The following CRYBG3 variants were observed in gnomAD, a reference collection of about 807,000 sequenced individuals.
The protein encoded by CRYBG3 is crystallin beta-gamma domain containing 3.
CRYBG3 carries 127 observed loss-of-function variants against 244.2 expected under a neutral mutation model. That is an observed-to-expected ratio of 0.52 (90% CI 0.45 to 0.60). The LOEUF is 0.60. CRYBG3 is among the 20% of genes least tolerant of loss of function. The pLI, the probability that CRYBG3 is intolerant of heterozygous loss-of-function variation, is 0.00. For missense variants in CRYBG3, 3,325 were observed against 3,442.5 expected (o/e 0.97, Z 0.85); for synonymous variants, 1,132 against 1,195.8 (o/e 0.95, Z 1.10).
At chr3:97,862,099 T>TA (rs2039158700) in intron 2 of CRYBG3, among the ~76,000 whole-genome samples, 4 of 151,712 alleles carry the variant, frequency 2.6e-5, no homozygotes, top group South Asian at 2.1e-4. Context: ...AGTTTTTTTT[T>TA]TAAAAAATTA....
rs1265598690 is a variant in CRYBG3 at position 97,876,269 on chromosome 3, A to T, written c.5075A>T (p.Asn1692Ile). The T allele has an allele frequency of 8.1e-6, 10 of 1,231,928 alleles. No homozygotes were observed. Among genetic ancestry groups the T allele is most frequent in the African/African-American group, 1.6e-5 (1 of 64,398 alleles). The allele number at this position is 1,231,928 out of a possible 1,614,324, so 76.3% of individuals were successfully genotyped here. A position where few individuals can be genotyped will look rare whatever the true frequency, so the allele number is the denominator to read the frequency against. Residue 1692 changes from asparagine (N) to isoleucine (I), a missense_variant, in exon 4 of 22, where the codon AAT (asparagine) becomes ATT (isoleucine). Asn to Ile is a moderately radical substitution (Grantham distance 149). Around this residue, in one of 4 missense-constraint regions of CRYBG3, gnomAD observed 635 missense variants for 771.7 expected, o/e 0.82. Transcript: ENST00000389622. Reference protein sequence around the residue: ...TGTIALSEVENIHQKGGEGIS... With the variant: ...TGTIALSEVEIIHQKGGEGIS... ...ACGATAGCCTTGTCAGAAGTGGAAAATATCCACCAAAAAGGTGGTGAAGGG... is the reference window on the plus strand; with the variant it reads ...ACGATAGCCTTGTCAGAAGTGGAAATTATCCACCAAAAAGGTGGTGAAGGG...
At chr3:97,905,584 T>C (rs2039762866) in intron 15 of CRYBG3, among the ~76,000 whole-genome samples, 1 of 152,138 alleles carries the variant, frequency 6.6e-6, no homozygotes, top group Admixed American at 6.5e-5. Context: ...CACTTTTTGA[T>C]GGGGTTGTTT....
chr3:97,896,175 T>C lies in CRYBG3; in HGVS notation c.7701+90T>C, dbSNP rs981223975. On this transcript the variant is annotated intron_variant, in intron 12 of 21. Coordinates refer to ENST00000389622, the MANE Select transcript of CRYBG3 (RefSeq NM_153605.4). Reference sequence around the variant, plus strand: ...TGACTCCTGATAGAACATGAGATTATAAAATATTTCTAACACCCAAGAGTA... The same window carrying C: ...TGACTCCTGATAGAACATGAGATTACAAAATATTTCTAACACCCAAGAGTA... 5 of 1,256,534 alleles carry C rather than the reference T, an allele frequency of 4.0e-6. No individual in the cohort carries two copies. In the Admixed American group the frequency reaches 7.0e-5, roughly 18 times the overall value. 77.8% of individuals were successfully genotyped at this position (1,256,534 alleles called of 1,614,324 possible). A position where few individuals can be genotyped will look rare whatever the true frequency, so the allele number is the denominator to read the frequency against.
chr3:97,896,761 G>A (rs905758166), intron 12 of CRYBG3, among the ~76,000 whole-genome samples: 1 of 152,114 alleles, frequency 6.6e-6, no homozygotes, highest in Non-Finnish European at 1.5e-5. Context: ...GAGGGTAGAG[G>A]CAACGGTTGC....
rs998480146 is a variant in CRYBG3 at position 97,872,734 on chromosome 3, T to C, written c.1540T>C (p.Ser514Pro). Residue 514 changes from serine (S) to proline (P), a missense_variant, in exon 4 of 22, where the codon TCT becomes CCT. Ser to Pro is a moderately conservative substitution (Grantham distance 74). Transcript: ENST00000389622. ...ATTTGTAAATGAAGGAAAGAGATTG[T>C]CTGCCCAAGACTCACAGAAAAATGT... ...TEFVNEGKRL[S>P]AQDSQKNVAV... 15 of 1,535,964 alleles carry C rather than the reference T, an allele frequency of 9.8e-6. No homozygotes were observed. The highest frequency in any genetic ancestry group is 1.2e-5 in the Non-Finnish European group (14 of 1,146,814).
intron 17 of CRYBG3, among the ~76,000 whole-genome samples, chr3:97,918,878 C>G (rs982747379): frequency 1.3e-5 from 2 of 152,142 alleles, no homozygotes; most frequent in Admixed American, 6.6e-5. Flanking sequence ...AGCTTCTGCT[C>G]AGATTCATTT....
chr3:97,919,299 G>A (rs1011616958), intron 17 of CRYBG3, among the ~76,000 whole-genome samples: 1 of 151,960 alleles, frequency 6.6e-6, no homozygotes, highest in Non-Finnish European at 1.5e-5. Flanking sequence ...AAAATCATCA[G>A]GTAATTTAAT....
chr3:97,839,932 G>A (rs935488715), intron 1 of CRYBG3, among the ~76,000 whole-genome samples: 5 of 151,968 alleles, frequency 3.3e-5, no homozygotes, highest in Non-Finnish European at 5.9e-5. Context: ...ATTTGAGTGC[G>A]TTCGTGGTGC....
Position 97,873,418 on chromosome 3 carries a change from T to C in CRYBG3, c.2224T>C (p.Cys742Arg). Residue 742 changes from cysteine to arginine, a missense_variant, in exon 4 of 22, where the codon TGC becomes CGC. This residue lies in a region of CRYBG3 where 1,526 missense variants were observed against 1,443.2 expected (regional missense o/e 1.06). Transcript: ENST00000389622. ...AGAAGTTCTTTCTAATAGTGAAAAA[T>C]GCCAGGTTCTTCCAGGTTCTGAAGC... ...FKEVLSNSEK[C>R]QVLPGSEASG... 6.5e-7 allele frequency: 1 copy of C among 1,535,320 alleles called. No homozygotes were observed. Among genetic ancestry groups the C allele is most frequent in the African/African-American group, 1.4e-5 (1 of 73,082 alleles).
rs532724873 is a variant in CRYBG3 at position 97,822,111 on chromosome 3, T to C, written c.-96T>C. On this transcript the variant is annotated 5_prime_UTR_variant, in exon 1 of 22. Transcript: ENST00000389622. ...CAGCTCGCGTCGAGTCGGTCTGCCC[T>C]AGCCGCATCCCGCGGCGCCCGGTCG... 294 of 1,200,198 alleles carry C rather than the reference T, an allele frequency of 2.4e-4. 1 individual carries two copies. In the African/African-American group the frequency reaches 4.3e-3, roughly 18 times the overall value. The allele number at this position is 1,200,198 out of a possible 1,614,324, so 74.3% of individuals were successfully genotyped here.
At chr3:97,836,376 C>T (rs776497149) in intron 1 of CRYBG3, among the ~76,000 whole-genome samples, 13 of 151,996 alleles carry the variant, frequency 8.6e-5, no homozygotes, top group Non-Finnish European at 1.5e-4. Flanking sequence ...TTTTATATTC[C>T]GTTAATAGCC....
At chr3:97,905,243 C>A (rs1054340856) in intron 15 of CRYBG3, among the ~76,000 whole-genome samples, 49 of 151,744 alleles carry the variant, frequency 3.2e-4, no homozygotes, top group Non-Finnish European at 5.7e-4. Flanking sequence ...ATTTATAGTC[C>A]TTTGGGTATA....
chr3:97,879,885 T>G, intron 5 of CRYBG3, 100 bp from the exon 6 acceptor site: 1 of 906,500 alleles, frequency 1.1e-6, no homozygotes, highest in East Asian at 2.6e-5. Flanking sequence ...CTTTTGTATA[T>G]TTAGGATATT....
At chr3:97,905,539 C>A (rs1460082509) in intron 15 of CRYBG3, among the ~76,000 whole-genome samples, 1 of 152,120 alleles carries the variant, frequency 6.6e-6, no homozygotes, top group Non-Finnish European at 1.5e-5. Context: ...GCATAAATGT[C>A]TTCTTTTGAG....
chr3:97,900,933 T>C (rs893532000), intron 15 of CRYBG3, among the ~76,000 whole-genome samples: 5 of 152,234 alleles, frequency 3.3e-5, no homozygotes, highest in Non-Finnish European at 7.3e-5. Flanking sequence ...CTATATTCAT[T>C]TCTACTGTAT....
chr3:97,942,184 C>T, intron 20 of CRYBG3, 100 bp from the exon 21 acceptor site: 1 of 1,027,020 alleles, frequency 9.7e-7, no homozygotes, highest in Non-Finnish European at 1.4e-6. Flanking sequence ...CACACACACA[C>T]TTCATGTCTA....
chr3:97,869,740 T>A (rs1177721452), intron 3 of CRYBG3, among the ~76,000 whole-genome samples: 2 of 152,196 alleles, frequency 1.3e-5, no homozygotes, highest in African/African-American at 4.8e-5. Flanking sequence ...TCTCCTTTAG[T>A]GCTTTATAAT....
At chr3:97,885,958 T>C (rs989300413) in intron 7 of CRYBG3, among the ~76,000 whole-genome samples, 1 of 152,136 alleles carries the variant, frequency 6.6e-6, no homozygotes, top group African/African-American at 2.4e-5. Context: ...AGTGGAAATA[T>C]GTAAGAAGAG....
chr3:97,920,297 C>A (rs1269813868), intron 17 of CRYBG3, among the ~76,000 whole-genome samples: 3 of 150,728 alleles, frequency 2.0e-5, no homozygotes, highest in Non-Finnish European at 4.4e-5. Context: ...GATACCTATT[C>A]TTGGCCTTTC....
Sources: gnomAD v4.1 joint callset for allele counts (sites outside exome capture counted in the v4.1 genomes callset) on GRCh38, gnomAD v4.1.1 for gene constraint, gnomAD v4.1.1 regional missense constraint, MANE v1.5 for transcripts, NCBI Gene and HGNC (gene_info 2026-07-23, HGNC 2026-07-21) for gene names.